PRTFDC1: variants seen among roughly 807,000 people sequenced by gnomAD.
PRTFDC1 encodes the protein phosphoribosyltransferase domain-containing protein 1.
PRTFDC1 carries 38 observed loss-of-function variants against 34.6 expected under a neutral mutation model. That is an observed-to-expected ratio of 1.10 (90% CI 0.85 to 1.44). PRTFDC1 has a LOEUF of 1.44. PRTFDC1 is among the 40% of genes most tolerant of loss of function. PRTFDC1 has a pLI of 0.00. For synonymous variants in PRTFDC1, 93 were observed against 98.1 expected (o/e 0.95, Z 0.31); for missense variants, 270 against 283.0 (o/e 0.95, Z 0.33).
intron 4 of PRTFDC1, among the ~76,000 whole-genome samples, chr10:24,865,843 T>G (rs969929171): frequency 1.3e-5 from 2 of 152,182 alleles, no homozygotes; most frequent in African/African-American, 4.8e-5. Context: ...ATTGGGGATA[T>G]GGAGAATGAG....
At chr10:24,888,742 G>A (rs1399904124) in intron 3 of PRTFDC1, among the ~76,000 whole-genome samples, 1 of 152,128 alleles carries the variant, frequency 6.6e-6, no homozygotes, top group Non-Finnish European at 1.5e-5. Context: ...AGGTATCAAT[G>A]TACCCTTAGG....
rs1311367917 is a variant in PRTFDC1 at position 24,937,262 on chromosome 10, T to G, written c.261A>C (p.Glu87Asp). Reference protein sequence around the residue: ...GGYKFCADLVEHLKNISRNSD... With the variant: ...GGYKFCADLVDHLKNISRNSD... ...AATTTCGGCTGATGTTCTTAAGGTG[T>G]TCTACGAGATCAGCACAGAATTTGT... is the stretch of plus-strand genomic sequence containing the variant. Residue 87 changes from glutamate to aspartate, a missense_variant, in exon 3 of 9, where the codon GAA (glutamate) becomes GAC (aspartate). Glu to Asp is a conservative substitution (Grantham distance 45). Transcript: ENST00000320152. The G allele has an allele frequency of 6.2e-7, 1 of 1,614,034 alleles. No individual in the cohort carries two copies.
intron 4 of PRTFDC1, among the ~76,000 whole-genome samples, chr10:24,864,329 C>A (rs986870444): frequency 3.3e-5 from 5 of 152,194 alleles, no homozygotes; most frequent in Admixed American, 1.3e-4. Context: ...GAAAGAAGTT[C>A]TACTGTGGGT....
intron 3 of PRTFDC1, among the ~76,000 whole-genome samples, chr10:24,884,568 C>T (rs761533783): frequency 3.3e-5 from 5 of 152,190 alleles, no homozygotes; most frequent in Admixed American, 6.5e-5. Context: ...AATACCAAAA[C>T]ACTAAGACAT....
At chr10:24,868,329 C>T (rs1159692003) in intron 4 of PRTFDC1, 2 of 152,094 alleles carry the variant, frequency 1.3e-5, no homozygotes, top group Admixed American at 6.6e-5. Context: ...TTCTTTAAAT[C>T]CAAGGAAAGA....
chr10:24,880,599 A>C (rs911576809), intron 3 of PRTFDC1, among the ~76,000 whole-genome samples: 6 of 152,198 alleles, frequency 3.9e-5, no homozygotes, highest in African/African-American at 1.4e-4. Context: ...GTTAGGGTTT[A>C]CTGAGGTGGA....
At chr10:24,896,082 T>A (rs1588599383) in intron 3 of PRTFDC1, among the ~76,000 whole-genome samples, 1 of 151,932 alleles carries the variant, frequency 6.6e-6, no homozygotes, top group Non-Finnish European at 1.5e-5. Context: ...GGCACAGAAG[T>A]CAACAGTAGG....
intron 3 of PRTFDC1, among the ~76,000 whole-genome samples, chr10:24,901,540 C>T (rs1848449923): frequency 6.6e-6 from 1 of 152,004 alleles, no homozygotes; most frequent in Non-Finnish European, 1.5e-5. Context: ...GCCTGGGCAA[C>T]ATAGCAAGAC....
At chr10:24,925,489 C>T (rs1336956334) in intron 3 of PRTFDC1, among the ~76,000 whole-genome samples, 1 of 152,032 alleles carries the variant, frequency 6.6e-6, no homozygotes, top group Non-Finnish European at 1.5e-5. Flanking sequence ...ATAAATAAAC[C>T]TCTTTCCTTT....
intron 3 of PRTFDC1, among the ~76,000 whole-genome samples, chr10:24,930,438 A>ACATATAAATTTACATTTC (rs1848953075): frequency 6.6e-6 from 1 of 152,234 alleles, no homozygotes; most frequent in African/African-American, 2.4e-5. Flanking sequence ...TCAGAAAAAA[A>ACATATAAATTTACATTTC]AGCAGGTAAT....
chr10:24,937,337 T>G lies in PRTFDC1; in HGVS notation c.186A>C (p.Lys62Asn). 1 of 1,611,474 alleles carries G rather than the reference T, an allele frequency of 6.2e-7. No individual in the cohort carries two copies. Among genetic ancestry groups the G allele is most frequent in the Non-Finnish European group, 8.5e-7 (1 of 1,179,414 alleles). ...RIERLAKDIM[K>N]DIGYSDIMVL... ...CCATGATGTCACTATATCCTATGTCTTTCATAATATCCTTGGCCAGCCGCT... is the reference window on the plus strand; with the variant it reads ...CCATGATGTCACTATATCCTATGTCGTTCATAATATCCTTGGCCAGCCGCT... The change falls in exon 3 of 9, where the codon AAA (lysine) becomes AAC (asparagine). Residue 62 changes from lysine to asparagine, a missense_variant. By Grantham distance (94) the Lys-to-Asn change is moderately conservative. Transcript: ENST00000320152.
At chr10:24,928,722 G>A (rs1848920416) in intron 3 of PRTFDC1, among the ~76,000 whole-genome samples, 1 of 151,832 alleles carries the variant, frequency 6.6e-6, no homozygotes, top group Non-Finnish European at 1.5e-5. Context: ...GGGATTACAG[G>A]TGTGAGCCAC....
chr10:24,911,847 A>G (rs1265482330), intron 3 of PRTFDC1, among the ~76,000 whole-genome samples: 1 of 151,724 alleles, frequency 6.6e-6, no homozygotes, highest in Non-Finnish European at 1.5e-5. Flanking sequence ...AGCCTGGGTG[A>G]CAGAGCAAGA....
At position 24,849,547 on chromosome 10, in the gene PRTFDC1, T is replaced by G. The variant is rs182231145; in HGVS notation, c.*297A>C. 186 of 290,584 alleles carry G rather than the reference T, an allele frequency of 6.4e-4. No individual in the cohort carries two copies. The highest frequency in any genetic ancestry group is 3.8e-3 in the African/African-American group (179 of 46,506). The allele number at this position is 290,584 out of a possible 1,614,324, so 18.0% of individuals were successfully genotyped here. ...GGGAATACTAATCAAATATAATGAC[T>G]GTATCAAAACAAAGGAAGGCGGAGC... On this transcript the variant is annotated 3_prime_UTR_variant, in exon 9 of 9. Transcript: ENST00000320152.
chr10:24,863,893 T>C (rs962910184), intron 4 of PRTFDC1, among the ~76,000 whole-genome samples: 1 of 150,868 alleles, frequency 6.6e-6, no homozygotes, highest in African/African-American at 2.4e-5. Flanking sequence ...CTGGGCAACG[T>C]GGCAAAACCC....
chr10:24,855,269 T>A, intron 7 of PRTFDC1, 49 bp downstream of exon 7: 1 of 1,544,790 alleles, frequency 6.5e-7, no homozygotes, highest in South Asian at 1.1e-5. Context: ...TGAAACACCA[T>A]AAGCACAAAA....
intron 1 of PRTFDC1, among the ~76,000 whole-genome samples, chr10:24,950,069 G>T (rs1407762902): frequency 6.6e-6 from 1 of 151,922 alleles, no homozygotes. Context: ...CTACCTCTTT[G>T]CATCTTTCAA....
At chr10:24,894,016 A>G (rs16925143) in intron 3 of PRTFDC1, among the ~76,000 whole-genome samples, 4,951 of 152,290 alleles carry the variant, frequency 0.033, 122 homozygotes, top group African/African-American at 0.069. Flanking sequence ...ACATTACTGT[A>G]GTCCTCAAAG....
chr10:24,945,076 ACTT>A (rs1208166679), intron 1 of PRTFDC1, among the ~76,000 whole-genome samples: 1 of 152,000 alleles, frequency 6.6e-6, no homozygotes, highest in Non-Finnish European at 1.5e-5. Flanking sequence ...GCTGTCCTCT[ACTT>A]CTTTCAAGTC....
Sources: allele counts gnomAD v4.1 joint callset (sites outside exome capture counted in the v4.1 genomes callset), GRCh38; gene constraint gnomAD v4.1.1; transcripts MANE v1.5; gene names NCBI Gene and HGNC (gene_info 2026-07-23, HGNC 2026-07-21).